FRMD1: variants seen among roughly 807,000 people sequenced by gnomAD.
FRMD1 encodes FERM domain containing 1, also known as FERM domain-containing protein 1.
In FRMD1, 51 loss-of-function variants were observed where a neutral mutation model predicts 54.9. The observed-to-expected ratio is 0.93, with a 90% CI of 0.74 to 1.17. The LOEUF (loss-of-function observed/expected upper bound fraction) is 1.17, where lower values mean the gene tolerates loss of function less well. Ranked by LOEUF, FRMD1 falls within the 50% of genes most tolerant of loss-of-function variation. The pLI, the probability that FRMD1 is intolerant of heterozygous loss-of-function variation, is 0.00. For synonymous variants in FRMD1, 324 were observed against 306.4 expected (o/e 1.06, Z -0.60); for missense variants, 729 against 743.0 (o/e 0.98, Z 0.22).
intron 5 of FRMD1, 75 bp downstream of exon 5, chr6:168,064,796 C>G: frequency 6.7e-7 from 1 of 1,497,664 alleles, no homozygotes; most frequent in Non-Finnish European, 9.0e-7. Flanking sequence ...GTCCCCTGCT[C>G]CCATGGATGG....
At chr6:168,080,834 C>CGGGCGCTGGTGTGTGT (rs1562432807), upstream of FRMD1, among the ~76,000 whole-genome samples, 1 of 150,136 alleles carries the variant, frequency 6.7e-6, no homozygotes, top group East Asian at 2.0e-4. Context: ...CTGGTTTGTG[C>CGGGCGCTGGTGTGTGT]GGGCGCTGGT....
chr6:168,074,100 G>T (rs942110342), intron 2 of FRMD1, among the ~76,000 whole-genome samples: 3 of 152,204 alleles, frequency 2.0e-5, no homozygotes, highest in Middle Eastern at 3.4e-3. Flanking sequence ...AGTGAGACTG[G>T]ATACAGGCGC....
intron 1 of FRMD1, among the ~76,000 whole-genome samples, chr6:168,091,126 C>T (rs1801009026): frequency 6.6e-6 from 1 of 152,182 alleles, no homozygotes; most frequent in African/African-American, 2.4e-5. Context: ...GAGCTTAGTG[C>T]AAAAAGACAA....
rs1351129091 is a variant in FRMD1 at position 168,053,569 on chromosome 6, C to A, written c.*3528G>T. ...GGGCCCCACACACCCACAGGGCCCT[C>A]AGTGCCCCTCAAGGCGAAAGGAGCG... On this transcript the variant is annotated 3_prime_UTR_variant, in exon 11 of 11. Coordinates refer to ENST00000283309, the MANE Select transcript of FRMD1 (RefSeq NM_024919.6). 1 of 152,316 alleles carries A rather than the reference C, an allele frequency of 6.6e-6. No homozygotes were observed. The highest frequency in any genetic ancestry group is 2.4e-5 in the African/African-American group (1 of 41,480). 9.4% of individuals were successfully genotyped at this position (152,316 alleles called of 1,614,324 possible).
chr6:168,081,664 G>T, upstream of FRMD1: 2 of 668,934 alleles, frequency 3.0e-6, no homozygotes, highest in Non-Finnish European at 4.6e-6. Flanking sequence ...TGAGAAGGAA[G>T]GCAGAACTGA....
In FRMD1 at chr6:168,057,222, G is replaced by A. The variant is rs549458143; in HGVS notation, c.1525C>T (p.Arg509Cys). ...APTSLSHTFH[R>C]ALDCRLAGPC... ...CCTGCCAGCCTGCAGTCCAGGGCGC[G>A]GTGGAAGGTATGGCTGAGTGAGGTG... is the stretch of plus-strand genomic sequence containing the variant. The change falls in exon 11 of 11, where the codon CGC (arginine) becomes TGC (cysteine). Residue 509 changes from arginine (R) to cysteine (C), a missense_variant. Physicochemically the swap from Arg to Cys is radical, Grantham distance 180 (BLOSUM62 -3). Transcript: ENST00000283309. 29 of 1,609,288 alleles carry A rather than the reference G, an allele frequency of 1.8e-5. No homozygotes were observed. Among genetic ancestry groups the A allele is most frequent in the Middle Eastern group, 1.7e-4 (1 of 6,030 alleles).
At position 168,059,584 on chromosome 6, in the gene FRMD1, T is replaced by A. The variant is rs986994493; in HGVS notation, c.1343-396A>T. ...TTTTGTGACCCTGGATGGCCCTGGG[T>A]GACTGTAGGTGATGCTGGGCGGTCC... On this transcript the variant is annotated intron_variant, in intron 9 of 10. Coordinates refer to ENST00000283309, the MANE Select transcript of FRMD1 (RefSeq NM_024919.6). The surrounding 1 kb of genome is among the most constrained non-coding windows in gnomAD (Gnocchi z 4.4). Among the ~76,000 whole-genome samples, 3 of 152,042 alleles carry A rather than the reference T, an allele frequency of 2.0e-5. No homozygotes were observed. Among genetic ancestry groups the A allele is most frequent in the African/African-American group, 7.2e-5 (3 of 41,406 alleles).
At chr6:168,061,191 G>C in intron 8 of FRMD1, 134 bp from the exon 9 acceptor site, 1 of 870,170 alleles carries the variant, frequency 1.1e-6, no homozygotes, top group Non-Finnish European at 1.7e-6. Flanking sequence ...GGGAGACCAG[G>C]CCTGCGGGTA....
intron 1 of FRMD1, among the ~76,000 whole-genome samples, chr6:168,077,828 C>T (rs1245184692): frequency 6.6e-6 from 1 of 152,248 alleles, no homozygotes; most frequent in Non-Finnish European, 1.5e-5. Context: ...CTTATGACCC[C>T]TCCCCCAGCC....
chr6:168,057,104 A>G lies in FRMD1; in HGVS notation c.1643T>C (p.Val548Ala). 6.8e-7 allele frequency: 1 copy of G among 1,479,276 alleles called. No individual in the cohort carries two copies. Among genetic ancestry groups the G allele is most frequent in the Non-Finnish European group, 9.0e-7 (1 of 1,111,272 alleles). 91.6% of individuals were successfully genotyped at this position (1,479,276 alleles called of 1,614,324 possible). Reference protein sequence around the residue: ...LFGEAPPQEFVV With the variant: ...LFGEAPPQEFAV ...CTGCTGGGTGGGTGGTGCCTACACC[A>G]CAAACTCCTGTGGTGGAGCCTCTCC... is the stretch of plus-strand genomic sequence containing the variant. The change falls in exon 11 of 11, where the codon GTG (valine) becomes GCG (alanine). Residue 548 changes from valine to alanine, a missense_variant. Val to Ala is a moderately conservative substitution (Grantham distance 64). Coordinates refer to ENST00000283309, the MANE Select transcript of FRMD1 (RefSeq NM_024919.6).
In FRMD1 at chr6:168,057,085, G is replaced by A; in HGVS notation, c.*12C>T. On this transcript the variant is annotated 3_prime_UTR_variant, in exon 11 of 11. Coordinates refer to ENST00000283309, the MANE Select transcript of FRMD1 (RefSeq NM_024919.6). ...CCTGGCGGTGCGGACGGTACTGCTG[G>A]GTGGGTGGTGCCTACACCACAAACT... 3 of 1,468,520 alleles carry A rather than the reference G, an allele frequency of 2.0e-6. No homozygotes were observed. Among genetic ancestry groups the A allele is most frequent in the Non-Finnish European group, 2.7e-6 (3 of 1,106,184 alleles). The allele number at this position is 1,468,520 out of a possible 1,614,324, so 91.0% of individuals were successfully genotyped here.
upstream of FRMD1, among the ~76,000 whole-genome samples, chr6:168,081,085 A>G (rs1583210819): frequency 2.0e-5 from 3 of 152,228 alleles, no homozygotes; most frequent in East Asian, 5.8e-4. Flanking sequence ...CACACCGTTG[A>G]GGTTCAGACC....
At chr6:168,087,907 C>G (rs1163274161) in intron 1 of FRMD1, among the ~76,000 whole-genome samples, 1 of 152,190 alleles carries the variant, frequency 6.6e-6, no homozygotes, top group Non-Finnish European at 1.5e-5. Context: ...ACCCTGGCCC[C>G]AGATCACAGA....
At chr6:168,081,768 C>T (rs1288633865), upstream of FRMD1, 9 of 423,990 alleles carry the variant, frequency 2.1e-5, no homozygotes, top group African/African-American at 5.9e-5. Flanking sequence ...GCAGCATCTT[C>T]GGGGCCAGGG....
At chr6:168,057,670 C>T (rs1799483704) in intron 10 of FRMD1, 1 of 305,098 alleles carries the variant, frequency 3.3e-6, no homozygotes, top group South Asian at 4.2e-5. Context: ...TGAACACTAG[C>T]TCTGGAAGCA....
At chr6:168,060,692 T>C in intron 9 of FRMD1, 69 bp downstream of exon 9, 3 of 1,504,538 alleles carry the variant, frequency 2.0e-6, no homozygotes, top group Non-Finnish European at 2.7e-6. Context: ...GTGTCCAGGG[T>C]CAGCCAAGCT....
At chr6:168,082,428 C>T (rs570020213), upstream of FRMD1, among the ~76,000 whole-genome samples, 4 of 152,340 alleles carry the variant, frequency 2.6e-5, no homozygotes, top group South Asian at 4.1e-4. Flanking sequence ...AAAAGAAACC[C>T]GGTGTCTGCT....
chr6:168,083,420 C>T (rs957675738), upstream of FRMD1, among the ~76,000 whole-genome samples: 6 of 152,198 alleles, frequency 3.9e-5, no homozygotes, highest in South Asian at 4.1e-4. Flanking sequence ...CCGCCCCAAC[C>T]GAACTTCAAA....
At position 168,078,876 on chromosome 6, in the gene FRMD1, G is replaced by C; in HGVS notation, c.213+6C>G. 6.4e-7 allele frequency: 1 copy of C among 1,574,454 alleles called. No homozygotes were observed. The highest frequency in any genetic ancestry group is 1.1e-5 in the South Asian group (1 of 87,362). ...TACCCCCACGGCCACCCAGGGCCCTGCTCACCCCCACGGCCAGCCGCAGTT... is the reference window on the plus strand; with the variant it reads ...TACCCCCACGGCCACCCAGGGCCCTCCTCACCCCCACGGCCAGCCGCAGTT... On this transcript the variant is annotated splice_donor_region_variant and intron_variant, in intron 1 of 10. Coordinates refer to ENST00000283309, the MANE Select transcript of FRMD1 (RefSeq NM_024919.6).
Sources: allele counts gnomAD v4.1 joint callset (sites outside exome capture counted in the v4.1 genomes callset), GRCh38; gene constraint gnomAD v4.1.1; non-coding constraint Gnocchi (gnomAD v3.1); transcripts MANE v1.5; gene names NCBI Gene and HGNC (gene_info 2026-07-23, HGNC 2026-07-21).